Variants in PDZRN3 observed in about 807,000 individuals in gnomAD.
PDZRN3 encodes the protein E3 ubiquitin-protein ligase PDZRN3.
In PDZRN3, 38 loss-of-function variants were observed where a neutral mutation model predicts 85.7. That is an observed-to-expected ratio of 0.44 (90% CI 0.34 to 0.58). The LOEUF is 0.58. Among genes scored for constraint, PDZRN3 ranks in the 20% least tolerant of loss-of-function variants. The pLI, the probability that PDZRN3 is intolerant of heterozygous loss-of-function variation, is 0.01. For missense variants in PDZRN3, 1,629 were observed against 1,506.4 expected (o/e 1.08, Z -1.35); for synonymous variants, 759 against 638.0 (o/e 1.19, Z -2.86).
At chr3:73,424,814 T>C (rs909269041) in intron 3 of PDZRN3, among the ~76,000 whole-genome samples, 2 of 152,064 alleles carry the variant, frequency 1.3e-5, no homozygotes, top group African/African-American at 2.4e-5. Flanking sequence ...GTGAAGCAAA[T>C]TTAAGCCACA....
At chr3:73,547,570 C>T (rs527243226) in intron 3 of PDZRN3, among the ~76,000 whole-genome samples, 2 of 152,208 alleles carry the variant, frequency 1.3e-5, no homozygotes, top group East Asian at 3.9e-4. Context: ...GGCCATCTGG[C>T]CCTATCAGCT....
At chr3:73,429,848 G>C (rs1336269022) in intron 3 of PDZRN3, among the ~76,000 whole-genome samples, 1 of 152,154 alleles carries the variant, frequency 6.6e-6, no homozygotes, top group East Asian at 1.9e-4. Flanking sequence ...TTACTCCGGA[G>C]CTCATTTTTC....
Position 73,383,273 on chromosome 3 carries a change from C to T in PDZRN3, c.*92G>A. 1 of 1,213,710 alleles carries T rather than the reference C, an allele frequency of 8.2e-7. No homozygotes were observed. The highest frequency in any genetic ancestry group is 1.2e-6 in the Non-Finnish European group (1 of 857,302). The allele number at this position is 1,213,710 out of a possible 1,614,324, so 75.2% of individuals were successfully genotyped here. The stretch of plus-strand genomic sequence containing the variant: ...CTATAAACATGAAGACCGTACTTAT[C>T]TTATATACAAAAACTTGCCGCATTG... On this transcript the variant is annotated 3_prime_UTR_variant, in exon 10 of 10. Coordinates refer to ENST00000263666, the MANE Select transcript of PDZRN3 (RefSeq NM_015009.3).
chr3:73,575,739 G>A (rs143232298), intron 3 of PDZRN3, among the ~76,000 whole-genome samples: 1 of 152,324 alleles, frequency 6.6e-6, no homozygotes, highest in East Asian at 1.9e-4. Context: ...GACGGAATGG[G>A]AACAGGTTCT....
chr3:73,426,999 C>T (rs1702329780), intron 3 of PDZRN3, among the ~76,000 whole-genome samples: 1 of 152,118 alleles, frequency 6.6e-6, no homozygotes, highest in African/African-American at 2.4e-5. Flanking sequence ...TTCACTTCCG[C>T]ATAATTTTGG....
At chr3:73,456,999 G>GACA (rs1702992349) in intron 3 of PDZRN3, among the ~76,000 whole-genome samples, 1 of 152,016 alleles carries the variant, frequency 6.6e-6, no homozygotes, top group Admixed American at 6.6e-5. Flanking sequence ...TATCCTGTTG[G>GACA]TATGTTAAAA....
chr3:73,385,076 A>G (rs902595097), intron 9 of PDZRN3, 146 bp from the exon 10 acceptor site: 5 of 874,158 alleles, frequency 5.7e-6, no homozygotes, highest in South Asian at 1.8e-5. Flanking sequence ...GACCACGTCA[A>G]TAGCGTGGGC....
In PDZRN3 at chr3:73,401,012, G is replaced by A. The variant is rs745492482; in HGVS notation, c.1167-3C>T. ...AGTATTCATGGGCTGAGGGATGCCT[G>A]AAAAGAGATGCAACATCTTTACAGC... On this transcript the variant is annotated splice_region_variant and splice_polypyrimidine_tract_variant and intron_variant, in intron 4 of 9. Coordinates refer to ENST00000263666, the MANE Select transcript of PDZRN3 (RefSeq NM_015009.3). 5.6e-6 allele frequency: 9 copies of A among 1,601,052 alleles called. No individual in the cohort carries two copies. In the East Asian group the frequency reaches 2.0e-4, roughly 36 times the overall value.
chr3:73,462,937 G>T (rs922805942), intron 3 of PDZRN3, among the ~76,000 whole-genome samples: 66 of 152,160 alleles, frequency 4.3e-4, no homozygotes, highest in Non-Finnish European at 7.4e-4. Context: ...GGTCTGTCTT[G>T]CTTCCAAACC....
chr3:73,452,062 C>T (rs1702873396), intron 3 of PDZRN3, among the ~76,000 whole-genome samples: 1 of 152,096 alleles, frequency 6.6e-6, no homozygotes, highest in Admixed American at 6.5e-5. Context: ...CTAGTTAGCT[C>T]AGCTATGGGC....
chr3:73,536,308 G>A (rs981939929), intron 3 of PDZRN3, among the ~76,000 whole-genome samples: 1 of 152,200 alleles, frequency 6.6e-6, no homozygotes, highest in Non-Finnish European at 1.5e-5. Flanking sequence ...TTCTCCTGGT[G>A]TCCTTGTAGC....
chr3:73,605,914 A>T (rs1238608784), intron 2 of PDZRN3, among the ~76,000 whole-genome samples: 1 of 152,254 alleles, frequency 6.6e-6, no homozygotes. Flanking sequence ...CTTGTACTTA[A>T]AGCACCTTTT....
At chr3:73,549,205 T>C (rs1278805818) in intron 3 of PDZRN3, among the ~76,000 whole-genome samples, 1 of 152,230 alleles carries the variant, frequency 6.6e-6, no homozygotes. Context: ...ACGAGTGCTC[T>C]GTTCATGAAG....
At chr3:73,448,134 C>T (rs1702787367) in intron 3 of PDZRN3, among the ~76,000 whole-genome samples, 1 of 152,170 alleles carries the variant, frequency 6.6e-6, no homozygotes, top group Admixed American at 6.5e-5. Flanking sequence ...AAGCACCTAC[C>T]ATGTGAGATT....
At chr3:73,387,308 T>G (rs1701417078) in intron 8 of PDZRN3, among the ~76,000 whole-genome samples, 1 of 152,322 alleles carries the variant, frequency 6.6e-6, no homozygotes, top group South Asian at 2.1e-4. Flanking sequence ...TCTAAGTGGA[T>G]CAAGAGTGCC....
intron 2 of PDZRN3, among the ~76,000 whole-genome samples, chr3:73,604,316 A>T (rs1702561641): frequency 6.6e-6 from 1 of 152,242 alleles, no homozygotes; most frequent in Non-Finnish European, 1.5e-5. Context: ...GGTACCAGGT[A>T]CATAGTGAGT....
intron 3 of PDZRN3, among the ~76,000 whole-genome samples, chr3:73,562,521 C>G (rs1041571458): frequency 6.6e-6 from 1 of 152,152 alleles, no homozygotes. Flanking sequence ...ACTAAGACGT[C>G]ACTTTGCTTT....
At chr3:73,525,191 T>C (rs900614095) in intron 3 of PDZRN3, among the ~76,000 whole-genome samples, 28 of 152,130 alleles carry the variant, frequency 1.8e-4, no homozygotes, top group African/African-American at 6.3e-4. Context: ...TAAATTAACA[T>C]TCATTAATTT....
chr3:73,592,958 A>G (rs1289955191), intron 3 of PDZRN3, among the ~76,000 whole-genome samples: 2 of 152,154 alleles, frequency 1.3e-5, no homozygotes, highest in East Asian at 3.8e-4. Context: ...GCGTTCCCCT[A>G]GCGCTCGCTC....
Sources: allele counts gnomAD v4.1 joint callset (sites outside exome capture counted in the v4.1 genomes callset), GRCh38; gene constraint gnomAD v4.1.1; transcripts MANE v1.5; gene names NCBI Gene and HGNC (gene_info 2026-07-23, HGNC 2026-07-21).